Variants in PSAP observed in about 807,000 individuals in gnomAD.
PSAP encodes precursor of saposins.
In PSAP, 25 loss-of-function variants were observed where a neutral mutation model predicts 66.0. The ratio of observed to expected loss-of-function variants is 0.38; its 90% confidence interval spans 0.28 to 0.53. The LOEUF (loss-of-function observed/expected upper bound fraction) is 0.53, where lower values mean the gene tolerates loss of function less well. Ranked by LOEUF, PSAP falls within the 20% of genes least tolerant of loss-of-function variation. The pLI is 0.83. For synonymous variants in PSAP, 273 were observed against 258.9 expected (o/e 1.05, Z -0.52); for missense variants, 649 against 668.8 (o/e 0.97, Z 0.33).
intron 1 of PSAP, chr10:71,844,662 T>C (rs1842787159): frequency 6.6e-6 from 1 of 152,120 alleles, no homozygotes; most frequent in Non-Finnish European, 1.5e-5. Context: ...CAAGACTCTG[T>C]GTCAAAAAAA....
At chr10:71,827,948 C>G in intron 6 of PSAP, 66 bp downstream of exon 6, 1 of 1,603,690 alleles carries the variant, frequency 6.2e-7, no homozygotes, top group Non-Finnish European at 8.5e-7. Context: ...GAACGCCCTA[C>G]TCCAGCCTCC....
rs1842430461 is a variant in PSAP, at chr10:71,828,124, T to A, written c.610A>T (p.Met204Leu). 1 of 1,614,166 alleles carries A rather than the reference T, an allele frequency of 6.2e-7. No homozygotes were observed. The highest frequency in any genetic ancestry group is 1.1e-5 in the South Asian group (1 of 91,082). ...NGDVCQDCIQ[M>L]VTDIQTAVRT... is the part of the protein sequence containing the mutation. The stretch of plus-strand genomic sequence containing the variant: ...ACAGCAGTCTGGATGTCAGTCACCA[T>A]CTGAATGCAGTCCTGGCAAACGTCC... Residue 204 changes from methionine to leucine, a missense_variant, in exon 6 of 14, where the codon ATG becomes TTG. Physicochemically the swap from Met to Leu is conservative, Grantham distance 15 (BLOSUM62 2). Transcript: ENST00000394936.
intron 10 of PSAP, 26 bp downstream of exon 10, chr10:71,819,688 T>A: frequency 1.2e-6 from 2 of 1,613,942 alleles, no homozygotes; most frequent in Non-Finnish European, 1.7e-6. Context: ...GGCACCATCC[T>A]CTCCCGCACC....
chr10:71,836,953 G>C (rs1842638279), intron 1 of PSAP, among the ~76,000 whole-genome samples: 1 of 152,194 alleles, frequency 6.6e-6, no homozygotes, highest in African/African-American at 2.4e-5. Flanking sequence ...GCAGCCCCTT[G>C]TATCTGAAAC....
chr10:71,827,875 T>C (rs1309393943), intron 6 of PSAP, 139 bp downstream of exon 6: 37 of 1,199,404 alleles, frequency 3.1e-5, no homozygotes, highest in Non-Finnish European at 3.7e-5. Context: ...TTAACCAAAA[T>C]AGATTCAAGT....
chr10:71,834,702 A>G (rs571709783), intron 1 of PSAP, among the ~76,000 whole-genome samples, 197 bp from the exon 2 acceptor site: 261 of 152,366 alleles, frequency 1.7e-3, no homozygotes, highest in African/African-American at 5.6e-3. Context: ...TCACAGGGCT[A>G]GAAGGGACTC....
intron 4 of PSAP, among the ~76,000 whole-genome samples, chr10:71,830,035 T>A (rs373952932): frequency 1.2e-4 from 19 of 152,214 alleles, no homozygotes; most frequent in Middle Eastern, 3.4e-3. Context: ...GAATAGGAGC[T>A]TCTTGCTGGA....
rs764388511 is a variant in PSAP, at chr10:71,819,729, G to A, written c.1177C>T (p.Leu393=). 1.9e-6 allele frequency: 3 copies of A among 1,614,112 alleles called. No individual in the cohort carries two copies. The Admixed American group carries it at 5.0e-5, about 27-fold the overall frequency. The change falls in exon 10 of 14, where the codon CTG becomes TTG. Residue 393 remains leucine, a synonymous_variant. Transcript: ENST00000394936. ...SMLHLCSGTR[L]PALTVHVTQP... ...CAGCGCTCACCGGTCAGTGCAGGCA[G>A]CCGCGTGCCAGAGCAGAGGTGCAGC...
chr10:71,828,171 A>C lies in PSAP; in HGVS notation c.577-14T>G, dbSNP rs756487651. 25 of 1,614,070 alleles carry C rather than the reference A, an allele frequency of 1.5e-5. No homozygotes were observed. In the Admixed American group the frequency reaches 4.2e-4, roughly 27 times the overall value. ...GTCCCCATTATCCTACAGAAGAGGC[A>C]GTTAGGTTTGCAACTTAAGAGGACT... On this transcript the variant is annotated splice_polypyrimidine_tract_variant and intron_variant, in intron 5 of 13. Transcript: ENST00000394936.
intron 6 of PSAP, among the ~76,000 whole-genome samples, chr10:71,826,258 G>A (rs941658238): frequency 2.0e-5 from 3 of 152,166 alleles, no homozygotes; most frequent in Admixed American, 1.3e-4. Context: ...TTAGGAACTG[G>A]AGCTTACCTT....
At chr10:71,834,250 A>G (rs1842577779) in intron 2 of PSAP, 122 bp downstream of exon 2, 12 of 1,481,126 alleles carry the variant, frequency 8.1e-6, no homozygotes, top group Non-Finnish European at 1.1e-5. Flanking sequence ...ACAGAGTCAC[A>G]GTGAGAAGTA....
At chr10:71,840,112 G>C (rs1842707571) in intron 1 of PSAP, among the ~76,000 whole-genome samples, 1 of 151,936 alleles carries the variant, frequency 6.6e-6, no homozygotes, top group Non-Finnish European at 1.5e-5. Flanking sequence ...CATTATTTTA[G>C]CCATACAACA....
chr10:71,820,241 TCA>T lies in PSAP; in HGVS notation c.1002_1003del (p.Lys336ArgfsTer7). ...CCCTCTGCCAGGAGGACAGCATACCTCAGTCTTGTTGTTGTCAATCAGCTTGG... is the reference window on the plus strand; with the variant it reads ...CCCTCTGCCAGGAGGACAGCATACCTGTCTTGTTGTTGTCAATCAGCTTGG... On this transcript the variant is annotated frameshift_variant and splice_region_variant, in exon 9 of 14. Transcript: ENST00000394936. LOFTEE classifies it high-confidence loss of function. 1 of 1,611,556 alleles carries T rather than the reference TCA, an allele frequency of 6.2e-7. No homozygotes were observed.
In PSAP at chr10:71,820,313, G is replaced by T. The variant is rs762828056; in HGVS notation, c.932C>A (p.Ser311Tyr). 21 of 1,613,976 alleles carry T rather than the reference G, an allele frequency of 1.3e-5. No individual in the cohort carries two copies. ...TTCACACACCTCACAGTAAACATCA[G>T]ACTTTGCTGGGACCTCGTGCTTCTG... Reference protein sequence around the residue: ...PIKKHEVPAKSDVYCEVCEFL... With the variant: ...PIKKHEVPAKYDVYCEVCEFL... Residue 311 changes from serine (S) to tyrosine (Y), a missense_variant, in exon 9 of 14, where the codon TCT becomes TAT. Ser to Tyr is a moderately radical substitution (Grantham distance 144). Coordinates refer to ENST00000394936, the MANE Select transcript of PSAP (RefSeq NM_002778.4).
At position 71,817,350 on chromosome 10, in the gene PSAP, A is replaced by C. The variant is rs1449187211; in HGVS notation, c.*91T>G. The C allele has an allele frequency of 7.2e-7, 1 of 1,383,636 alleles. No individual in the cohort carries two copies. The highest frequency in any genetic ancestry group is 1.0e-6 in the Non-Finnish European group (1 of 970,606). 85.7% of individuals were successfully genotyped at this position (1,383,636 alleles called of 1,614,324 possible). ...TGGGGGAGCCCTATTTTTATAACAA[A>C]GTCAAACAGATCTGTGCGTTCATTC... On this transcript the variant is annotated 3_prime_UTR_variant, in exon 14 of 14. Coordinates refer to ENST00000394936, the MANE Select transcript of PSAP (RefSeq NM_002778.4).
At chr10:71,835,953 T>G (rs1422415359) in intron 1 of PSAP, among the ~76,000 whole-genome samples, 1 of 152,124 alleles carries the variant, frequency 6.6e-6, no homozygotes, top group African/African-American at 2.4e-5. Flanking sequence ...AAACACGTGT[T>G]GTATAGGTCA....
At chr10:71,820,143 G>T in intron 9 of PSAP, 97 bp downstream of exon 9, 1 of 1,160,090 alleles carries the variant, frequency 8.6e-7, no homozygotes, top group Non-Finnish European at 1.3e-6. Context: ...ACATGTCAAG[G>T]CTGGGCCAAG....
intron 7 of PSAP, among the ~76,000 whole-genome samples, chr10:71,823,210 G>A (rs1283733990): frequency 6.6e-6 from 1 of 152,216 alleles, no homozygotes; most frequent in Non-Finnish European, 1.5e-5. Context: ...AGAGGTGGCA[G>A]TGTTCAGGAC....
intron 4 of PSAP, among the ~76,000 whole-genome samples, chr10:71,830,774 G>T (rs1403962017): frequency 1.3e-5 from 2 of 152,194 alleles, no homozygotes; most frequent in Non-Finnish European, 2.9e-5. Flanking sequence ...TTGATTATAA[G>T]TTCACAGAAA....
Sources: gnomAD v4.1 joint callset for allele counts (sites outside exome capture counted in the v4.1 genomes callset) on GRCh38, gnomAD v4.1.1 for gene constraint, MANE v1.5 for transcripts, NCBI Gene and HGNC (gene_info 2026-07-23, HGNC 2026-07-21) for gene names.